OPRM1: variants seen among roughly 807,000 people sequenced by gnomAD.
OPRM1 encodes mu-type opioid receptor.
OPRM1 carries 27 observed loss-of-function variants against 31.8 expected under a neutral mutation model. The ratio of observed to expected loss-of-function variants is 0.85; its 90% CI spans 0.63 to 1.17. The LOEUF is 1.17. Ranked by LOEUF, OPRM1 falls within the 50% of genes most tolerant of loss-of-function variation. The pLI, the probability that OPRM1 is intolerant of heterozygous loss-of-function variation, is 0.00. For missense variants in OPRM1, 536 were observed against 511.1 expected (o/e 1.05, Z -0.47); for synonymous variants, 196 against 189.9 (o/e 1.03, Z -0.26).
chr6:154,185,955 C>G (rs1455207328), intron 3 of OPRM1, among the ~76,000 whole-genome samples: 1 of 152,184 alleles, frequency 6.6e-6, no homozygotes, highest in Non-Finnish European at 1.5e-5. Flanking sequence ...GAATAACGAC[C>G]CTTTTGGTTC....
Position 154,152,382 on chromosome 6 carries a change from A to G in OPRM1, c.1164+60910A>G, listed in dbSNP as rs144072534. Among the ~76,000 whole-genome samples the G allele has an allele frequency of 2.3e-4, 34 of 148,984 alleles. 1 individual carries two copies. Among genetic ancestry groups the G allele is most frequent in the Non-Finnish European group, 3.1e-4 (21 of 66,878 alleles). Reference sequence around the variant, plus strand: ...AAAGAAAGAAAGAAAGAAAGAAAGAAAGAAAGAAAGAGAAATAGTGTTCAG... The same window carrying G: ...AAAGAAAGAAAGAAAGAAAGAAAGAGAGAAAGAAAGAGAAATAGTGTTCAG... On this transcript the variant is annotated intron_variant, in intron 3 of 3. Transcript: ENST00000337049.
intron 3 of OPRM1, among the ~76,000 whole-genome samples, chr6:154,190,526 G>A (rs1300112464): frequency 6.6e-6 from 1 of 152,208 alleles, no homozygotes; most frequent in African/African-American, 2.4e-5. Context: ...TGGCAAGGAT[G>A]TGAAGCAACA....
At chr6:154,085,604 C>G (rs1790344679) in intron 1 of OPRM1, among the ~76,000 whole-genome samples, 1 of 152,168 alleles carries the variant, frequency 6.6e-6, no homozygotes, top group Non-Finnish European at 1.5e-5. Flanking sequence ...AGATGAGTCT[C>G]TCTTTGCCCA....
At chr6:154,070,837 T>G (rs1207723207) in intron 1 of OPRM1, among the ~76,000 whole-genome samples, 1 of 152,240 alleles carries the variant, frequency 6.6e-6, no homozygotes, top group African/African-American at 2.4e-5. Context: ...GGTCTGTGGG[T>G]TCACAGCATT....
At chr6:154,186,657 C>T (rs9371779) in intron 3 of OPRM1, among the ~76,000 whole-genome samples, 9,679 of 151,892 alleles carry the variant, frequency 0.064, 394 homozygotes, top group South Asian at 0.2. Flanking sequence ...CCCGGGTTCG[C>T]GCCATTCTCC....
rs1484000385 is a variant in OPRM1, at chr6:154,193,831, T to G, written c.1165-52862T>G. Reference sequence around the variant, plus strand: ...ACCCCAGCATCAAACATGACAATACTCCCTATTTTTTTCTTCCAATGCTGT... The same window carrying G: ...ACCCCAGCATCAAACATGACAATACGCCCTATTTTTTTCTTCCAATGCTGT... On this transcript the variant is annotated intron_variant, in intron 3 of 3. Coordinates refer to the OPRM1 transcript ENST00000337049. Among the ~76,000 whole-genome samples the G allele has an allele frequency of 3.9e-5, 6 of 152,190 alleles. No individual in the cohort carries two copies. The East Asian group carries it at 1.2e-3, about 29-fold the overall frequency.
chr6:154,168,046 T>TA lies in OPRM1; in HGVS notation c.1164+76575dup. 6.2e-7 allele frequency: 1 copy of TA among 1,609,912 alleles called. No individual in the cohort carries two copies. Among genetic ancestry groups the TA allele is most frequent in the Non-Finnish European group, 8.5e-7 (1 of 1,176,798 alleles). On this transcript the variant is annotated intron_variant, in intron 3 of 3. Transcript: ENST00000337049. This position sits in a 1 kb window ranked among gnomAD's most constrained non-coding sequence, Gnocchi z 4.1. ...AAGGTCGTCGGTCCCCAAGAGGAGA[T>TA]AGACTAGCTTGCTCTAATGATTTGT...
chr6:154,207,177 G>A (rs949251842), intron 3 of OPRM1, among the ~76,000 whole-genome samples: 2 of 152,214 alleles, frequency 1.3e-5, no homozygotes, highest in Non-Finnish European at 2.9e-5. Context: ...AGAGAGGCTG[G>A]GGGAGAGCCA....
chr6:154,148,037 T>A (rs1466184123), intron 3 of OPRM1, among the ~76,000 whole-genome samples: 2 of 152,254 alleles, frequency 1.3e-5, no homozygotes, highest in Non-Finnish European at 2.9e-5. Context: ...GTGCCTCACC[T>A]GCACCTTCAA....
downstream of OPRM1, among the ~76,000 whole-genome samples, chr6:154,133,970 A>G (rs750404232): frequency 1.3e-5 from 2 of 152,268 alleles, no homozygotes; most frequent in Non-Finnish European, 2.9e-5. Context: ...TGACTGGGAC[A>G]TAGGGTTTGA....
intron 3 of OPRM1, chr6:154,214,160 T>G: frequency 9.2e-7 from 1 of 1,090,800 alleles, no homozygotes; most frequent in Non-Finnish European, 1.4e-6. Context: ...TTTTTCACCC[T>G]GTTTCAACCT....
intron 3 of OPRM1, among the ~76,000 whole-genome samples, chr6:154,139,738 G>T (rs1439440099): frequency 1.3e-5 from 2 of 152,144 alleles, no homozygotes; most frequent in Non-Finnish European, 2.9e-5. Context: ...CAGAGTGAAA[G>T]ACACTTAAGG....
At chr6:154,052,496 A>C (rs1328019364) in intron 1 of OPRM1, among the ~76,000 whole-genome samples, 3 of 152,246 alleles carry the variant, frequency 2.0e-5, no homozygotes, top group Admixed American at 6.5e-5. Flanking sequence ...CTTTATATGG[A>C]CACTGACATT....
In OPRM1 at chr6:154,052,073, A is replaced by G. The variant is rs186535082; in HGVS notation, c.290+12239A>G. On this transcript the variant is annotated intron_variant, in intron 1 of 3. Transcript: ENST00000330432. Reference sequence around the variant, plus strand: ...GCCATCATCCTCAGCAAGCTGACACAGGAACAGAAAACCAAACACTGCATG... The same window carrying G: ...GCCATCATCCTCAGCAAGCTGACACGGGAACAGAAAACCAAACACTGCATG... 7.5e-3 allele frequency among the ~76,000 whole-genome samples: 1,148 copies of G among 152,346 alleles called. 7 individuals are homozygous for G. The highest frequency in any genetic ancestry group is 0.011 in the Non-Finnish European group (777 of 68,036).
chr6:154,149,415 C>T (rs1234762486), intron 3 of OPRM1, among the ~76,000 whole-genome samples: 2 of 152,106 alleles, frequency 1.3e-5, no homozygotes, highest in East Asian at 3.9e-4. Flanking sequence ...ATTATGGGAA[C>T]TACAATTCAA....
chr6:154,202,756 T>C (rs1278861337), intron 3 of OPRM1, among the ~76,000 whole-genome samples: 1 of 152,182 alleles, frequency 6.6e-6, no homozygotes, highest in Non-Finnish European at 1.5e-5. Flanking sequence ...ATCGTGTTTG[T>C]GCTATGACTC....
At chr6:154,063,085 T>C (rs1784708955) in intron 1 of OPRM1, among the ~76,000 whole-genome samples, 1 of 152,074 alleles carries the variant, frequency 6.6e-6, no homozygotes, top group Non-Finnish European at 1.5e-5. Context: ...AAATCTTAAC[T>C]ATCCAGATAT....
At chr6:154,210,103 C>T (rs1412473806) in intron 3 of OPRM1, among the ~76,000 whole-genome samples, 2 of 152,166 alleles carry the variant, frequency 1.3e-5, no homozygotes, top group African/African-American at 2.4e-5. Context: ...TGAGCCATGA[C>T]CCCTTGTCTA....
intron 3 of OPRM1, among the ~76,000 whole-genome samples, chr6:154,196,129 T>A (rs898257852): frequency 7.9e-5 from 12 of 152,100 alleles, no homozygotes; most frequent in Non-Finnish European, 1.5e-4. Flanking sequence ...ACAAAGTACA[T>A]CAGCACATGT....
Sources: allele counts gnomAD v4.1 joint callset (sites outside exome capture counted in the v4.1 genomes callset), GRCh38; gene constraint gnomAD v4.1.1; non-coding constraint Gnocchi (gnomAD v3.1); transcripts MANE v1.5; gene names NCBI Gene and HGNC (gene_info 2026-07-23, HGNC 2026-07-21).